Variants in WDR7 observed in about 807,000 individuals in gnomAD.
WDR7 encodes the protein WD repeat domain 7.
Under a neutral mutation model 169.4 loss-of-function variants are expected in WDR7, and 46 were observed. That is an observed-to-expected ratio of 0.27 (90% CI 0.21 to 0.35). The LOEUF (loss-of-function observed/expected upper bound fraction) is 0.35. Ranked by LOEUF, WDR7 falls within the 10% of genes least tolerant of loss-of-function variation. WDR7 has a pLI of 1.00. For missense variants in WDR7, 1,534 were observed against 1,859.3 expected (o/e 0.83, Z 3.22); for synonymous variants, 612 against 666.8 (o/e 0.92, Z 1.27).
intron 16 of WDR7, among the ~76,000 whole-genome samples, chr18:56,759,316 C>G (rs963276150): frequency 2.8e-4 from 42 of 152,146 alleles, no homozygotes; most frequent in African/African-American, 9.9e-4. Flanking sequence ...TTCCATACTA[C>G]AACTAATCTG....
rs183939455 is a variant in WDR7, at chr18:57,023,774, C to T, written c.4269+2925C>T. On this transcript the variant is annotated intron_variant, in intron 27 of 27. Transcript: ENST00000254442. ...GGAGTTTAGTAATGAAATACAGTCA[C>T]AATTCTCTCACCCAAATCTTACCAC... Among the ~76,000 whole-genome samples, 4 of 152,308 alleles carry T rather than the reference C, an allele frequency of 2.6e-5. No individual in the cohort carries two copies. In the East Asian group the frequency reaches 7.7e-4, roughly 29 times the overall value.
At chr18:56,747,090 G>C (rs2043716659) in intron 14 of WDR7, among the ~76,000 whole-genome samples, 1 of 152,212 alleles carries the variant, frequency 6.6e-6, no homozygotes, top group South Asian at 2.1e-4. Flanking sequence ...GTTCACTAAT[G>C]TGGAGTGGAT....
intron 19 of WDR7, among the ~76,000 whole-genome samples, chr18:56,803,628 A>G (rs2044717088): frequency 6.6e-6 from 1 of 152,214 alleles, no homozygotes; most frequent in South Asian, 2.1e-4. Context: ...AAAGCTGAAT[A>G]TTCAGTATTT....
Position 56,696,425 on chromosome 18 carries a change from A to G in WDR7, c.1541A>G (p.Glu514Gly), listed in dbSNP as rs774024784. The G allele has an allele frequency of 1.2e-6, 2 of 1,613,988 alleles. No individual in the cohort carries two copies. The highest frequency in any genetic ancestry group is 2.2e-5 in the South Asian group (2 of 91,032). The change falls in exon 12 of 28, where the codon GAG (glutamate) becomes GGG (glycine). Residue 514 changes from glutamate to glycine, a missense_variant. Physicochemically the swap from Glu to Gly is moderately conservative, Grantham distance 98. Coordinates refer to ENST00000254442, the MANE Select transcript of WDR7 (RefSeq NM_015285.3). ...CATATCTTCTGTGTTCATGGTGGTG[A>G]GATTACTCAACTTCTAGTTCCACCT... ...MKHIFCVHGG[E>G]ITQLLVPPEN...
At chr18:56,779,280 G>A in intron 17 of WDR7, 151 bp from the exon 18 acceptor site, 1 of 503,868 alleles carries the variant, frequency 2.0e-6, no homozygotes, top group Non-Finnish European at 3.5e-6. Context: ...ATAATTCTTT[G>A]CACAAAGTGT....
At chr18:56,889,978 C>A (rs6566839) in intron 21 of WDR7, among the ~76,000 whole-genome samples, 1 of 152,040 alleles carries the variant, frequency 6.6e-6, no homozygotes, top group Non-Finnish European at 1.5e-5. Context: ...CATGATCTAC[C>A]TGCCATTACA....
intron 27 of WDR7, among the ~76,000 whole-genome samples, chr18:57,025,673 G>A (rs942278846): frequency 6.6e-6 from 1 of 152,112 alleles, no homozygotes; most frequent in African/African-American, 2.4e-5. Context: ...CATCTTAAAA[G>A]GGTTATTACT....
Position 56,867,791 on chromosome 18 carries a change from T to G in WDR7, c.3305-12153T>G, listed in dbSNP as rs113241057. Among the ~76,000 whole-genome samples the G allele has an allele frequency of 7.7e-3, 1,178 of 152,242 alleles. 20 individuals carry two copies. Among genetic ancestry groups the G allele is most frequent in the African/African-American group, 0.027 (1,124 of 41,546 alleles). On this transcript the variant is annotated intron_variant, in intron 20 of 27. Transcript: ENST00000254442. ...TAGGCATATGTGCTAAGTTAAACAT[T>G]GGAATAATTGTGCAAAAAATTCAAG...
chr18:56,925,395 C>T (rs537023528), intron 22 of WDR7, among the ~76,000 whole-genome samples: 5 of 152,292 alleles, frequency 3.3e-5, no homozygotes, highest in East Asian at 1.9e-4. Context: ...TCTACAGCCT[C>T]GCCAACACTT....
chr18:56,980,428 A>T (rs571973547), intron 26 of WDR7, among the ~76,000 whole-genome samples: 3 of 152,120 alleles, frequency 2.0e-5, no homozygotes, highest in Admixed American at 6.5e-5. Flanking sequence ...TCGTTCATCC[A>T]CTCATTCATT....
At chr18:57,021,918 A>G (rs12971125) in intron 27 of WDR7, among the ~76,000 whole-genome samples, 40,416 of 152,234 alleles carry the variant, frequency 0.27, 6,380 homozygotes, top group Middle Eastern at 0.35. Context: ...GATACAATAA[A>G]TTACTTAAGT....
intron 26 of WDR7, among the ~76,000 whole-genome samples, chr18:56,971,150 T>C (rs545860665): frequency 6.6e-6 from 1 of 152,082 alleles, no homozygotes; most frequent in African/African-American, 2.4e-5. Context: ...TAGGTGCCTG[T>C]AATCCCAGCT....
chr18:56,759,020 A>G, intron 16 of WDR7, 67 bp downstream of exon 16: 1 of 1,286,258 alleles, frequency 7.8e-7, no homozygotes. Context: ...AGGCATAGCT[A>G]ATGTATAATC....
chr18:56,723,657 G>A (rs1262216151), intron 13 of WDR7, among the ~76,000 whole-genome samples: 1 of 152,000 alleles, frequency 6.6e-6, no homozygotes, highest in Non-Finnish European at 1.5e-5. Flanking sequence ...TGAGCAATTT[G>A]ATTGTGGTTT....
At chr18:56,727,770 T>C (rs1197755326) in intron 13 of WDR7, among the ~76,000 whole-genome samples, 3 of 152,324 alleles carry the variant, frequency 2.0e-5, no homozygotes, top group African/African-American at 7.2e-5. Context: ...TGTCTTCTTA[T>C]GTGCAAATGT....
At chr18:56,934,018 G>T (rs548864651) in intron 22 of WDR7, among the ~76,000 whole-genome samples, 28 of 152,230 alleles carry the variant, frequency 1.8e-4, no homozygotes, top group African/African-American at 6.3e-4. Flanking sequence ...TGATTTTATT[G>T]ATTTTCCCAA....
Position 56,879,752 on chromosome 18 carries a change from GT to G in WDR7, c.3305-183del, listed in dbSNP as rs202011648. 6.0e-5 allele frequency among the ~76,000 whole-genome samples: 9 copies of G among 150,870 alleles called. No homozygotes were observed. The East Asian group carries it at 7.8e-4, about 13-fold the overall frequency. ...ATTTAGGATTATGATCAATTTTCAG[GT>G]TTTTTTTTGGAAGGTTAGAGATAGG... On this transcript the variant is annotated intron_variant, in intron 20 of 27. Transcript: ENST00000254442.
intron 26 of WDR7, among the ~76,000 whole-genome samples, chr18:56,967,451 T>C (rs2047426095): frequency 6.6e-6 from 1 of 152,112 alleles, no homozygotes; most frequent in South Asian, 2.1e-4. Flanking sequence ...TAAATTGTGT[T>C]TGATAGGCTG....
intron 13 of WDR7, among the ~76,000 whole-genome samples, chr18:56,720,083 T>A (rs2026286987): frequency 1.3e-5 from 2 of 152,194 alleles, no homozygotes; most frequent in Admixed American, 6.5e-5. Flanking sequence ...AGAAATAATT[T>A]TTTGGGAATT....
Sources: allele counts gnomAD v4.1 joint callset (sites outside exome capture counted in the v4.1 genomes callset), GRCh38; gene constraint gnomAD v4.1.1; transcripts MANE v1.5; gene names NCBI Gene and HGNC (gene_info 2026-07-23, HGNC 2026-07-21).